DCAF6: variants seen among roughly 807,000 people sequenced by gnomAD.
DCAF6 encodes the protein DDB1 and CUL4 associated factor 6.
In DCAF6, 54 loss-of-function variants were observed where a neutral mutation model predicts 125.1. That is an observed-to-expected ratio of 0.43 (90% CI 0.35 to 0.54). DCAF6 has a LOEUF of 0.54. Among genes scored for constraint, DCAF6 ranks in the 20% least tolerant of loss-of-function variants. DCAF6 has a pLI of 0.01. For synonymous variants in DCAF6, 371 were observed against 390.4 expected (o/e 0.95, Z 0.58); for missense variants, 934 against 1,161.7 (o/e 0.80, Z 2.85).
At chr1:167,964,894 ATTC>A (rs1676163452) in intron 2 of DCAF6, among the ~76,000 whole-genome samples, 2 of 151,716 alleles carry the variant, frequency 1.3e-5, no homozygotes, top group Admixed American at 1.3e-4. Flanking sequence ...TTTCCTTTTT[ATTC>A]TTAGGATTTC....
the DCAF6 span, among the ~76,000 whole-genome samples, chr1:167,926,938 C>T: frequency 1.3e-5 from 2 of 152,184 alleles, no homozygotes; most frequent in Non-Finnish European, 2.9e-5. Flanking sequence ...TAAATTGCTC[C>T]TTCTCTTAAC....
At chr1:168,065,850 A>T in intron 19 of DCAF6, 104 bp downstream of exon 19, 1 of 1,087,716 alleles carries the variant, frequency 9.2e-7, no homozygotes, top group East Asian at 2.7e-5. Context: ...AATAATCCAA[A>T]CTATCTGACT....
intron 1 of DCAF6, among the ~76,000 whole-genome samples, chr1:167,946,611 G>A (rs1057432290): frequency 5.9e-5 from 9 of 151,702 alleles, no homozygotes; most frequent in African/African-American, 1.9e-4. Context: ...TTCTTTTTTC[G>A]CGTCTATTAA....
At chr1:167,988,635 T>A (rs1216922934) in intron 5 of DCAF6, among the ~76,000 whole-genome samples, 1 of 152,074 alleles carries the variant, frequency 6.6e-6, no homozygotes, top group Non-Finnish European at 1.5e-5. Context: ...ATTCAAAATA[T>A]GTTTTTACTG....
chr1:167,975,634 C>T (rs921573319), intron 4 of DCAF6, among the ~76,000 whole-genome samples: 1 of 152,202 alleles, frequency 6.6e-6, no homozygotes, highest in Admixed American at 6.5e-5. Flanking sequence ...CAGCTTCAAA[C>T]TCCCAGGCTC....
chr1:168,052,756 G>C (rs1320912709), intron 17 of DCAF6, among the ~76,000 whole-genome samples: 5 of 152,132 alleles, frequency 3.3e-5, no homozygotes, highest in African/African-American at 1.2e-4. Flanking sequence ...TCTTTGAATA[G>C]TAAATAAAAT....
chr1:167,892,347 G>A, the DCAF6 span, among the ~76,000 whole-genome samples: 1 of 152,170 alleles, frequency 6.6e-6, no homozygotes, highest in African/African-American at 2.4e-5. Flanking sequence ...TGGAAAAGAG[G>A]ACTACGGTAT....
At chr1:167,970,392 T>C (rs1677126222) in intron 3 of DCAF6, among the ~76,000 whole-genome samples, 1 of 152,342 alleles carries the variant, frequency 6.6e-6, no homozygotes, top group Non-Finnish European at 1.5e-5. Flanking sequence ...GGCTCACGCT[T>C]ATAATCCCAG....
chr1:168,000,119 A>G (rs1487155458), intron 7 of DCAF6, among the ~76,000 whole-genome samples: 1 of 152,150 alleles, frequency 6.6e-6, no homozygotes, highest in Non-Finnish European at 1.5e-5. Flanking sequence ...GTGTCTCAAG[A>G]AATTGGAAGG....
At chr1:167,899,345 G>T in the DCAF6 span, 4 of 1,410,806 alleles carry the variant, frequency 2.8e-6, no homozygotes, top group Non-Finnish European at 4.0e-6. Context: ...TGAAACCAGC[G>T]TGCCCAGTGA....
chr1:167,992,252 TAC>T (rs761598229), intron 6 of DCAF6, among the ~76,000 whole-genome samples: 9,749 of 142,650 alleles, frequency 0.068, 475 homozygotes, highest in African/African-American at 0.15. Flanking sequence ...AGGCCAGGAT[TAC>T]ACACACACAC....
intron 11 of DCAF6, among the ~76,000 whole-genome samples, chr1:168,020,985 A>G (rs1217208006): frequency 6.6e-6 from 1 of 152,168 alleles, no homozygotes; most frequent in Non-Finnish European, 1.5e-5. Flanking sequence ...CACAATGTCT[A>G]TGGCAGAGTA....
chr1:167,878,524 T>C, the DCAF6 span: 8 of 1,614,060 alleles, frequency 5.0e-6, no homozygotes, highest in Non-Finnish European at 5.9e-6. Context: ...TGGAAGCTCT[T>C]TAAAAAAGTA....
chr1:167,997,407 T>A (rs1681882820), intron 7 of DCAF6, among the ~76,000 whole-genome samples: 1 of 152,196 alleles, frequency 6.6e-6, no homozygotes, highest in Non-Finnish European at 1.5e-5. Context: ...TTAAGCTTTG[T>A]TCTGGTTATT....
intron 2 of DCAF6, among the ~76,000 whole-genome samples, chr1:167,964,647 T>C (rs1278997731): frequency 2.0e-5 from 3 of 152,236 alleles, no homozygotes; most frequent in African/African-American, 7.2e-5. Context: ...CTTTTCTCCT[T>C]CTCCTCTGGT....
At chr1:168,007,962 CTTTTTTT>C (rs35185748) in intron 10 of DCAF6, among the ~76,000 whole-genome samples, 34 of 67,480 alleles carry the variant, frequency 5.0e-4, no homozygotes, top group Non-Finnish European at 6.5e-4. Flanking sequence ...TGTTGTACAT[CTTTTTTT>C]TTTTTTTTTT....
At chr1:167,935,777 A>T (rs536422844), upstream of DCAF6, 7 of 1,564,918 alleles carry the variant, frequency 4.5e-6, no homozygotes, top group South Asian at 7.0e-5. Context: ...GGGCAGCATC[A>T]GCTCCACTTT....
chr1:167,955,457 TA>T (rs1219766131), intron 2 of DCAF6, among the ~76,000 whole-genome samples: 1 of 151,674 alleles, frequency 6.6e-6, no homozygotes, highest in Non-Finnish European at 1.5e-5. Flanking sequence ...TTTTTTTTTT[TA>T]AAGACATTCT....
At chr1:167,964,198 A>C (rs1676045780) in intron 2 of DCAF6, among the ~76,000 whole-genome samples, 2 of 152,092 alleles carry the variant, frequency 1.3e-5, no homozygotes, top group South Asian at 4.1e-4. Flanking sequence ...CTTTTCTTTA[A>C]AGAACTCCTT....
Sources: gnomAD v4.1 joint callset for allele counts (sites outside exome capture counted in the v4.1 genomes callset) on GRCh38, gnomAD v4.1.1 for gene constraint, MANE v1.5 for transcripts, NCBI Gene and HGNC (gene_info 2026-07-23, HGNC 2026-07-21) for gene names.